Variants in C8A observed in about 807,000 individuals in gnomAD.
C8A encodes the protein complement C8 alpha chain.
In C8A, 67 loss-of-function variants were observed where a neutral mutation model predicts 65.3. That is an observed-to-expected ratio of 1.03 (90% CI 0.84 to 1.26). The LOEUF (loss-of-function observed/expected upper bound fraction) is 1.26. Among genes scored for constraint, C8A ranks in the 50% most tolerant of loss-of-function variants. The pLI, the probability that C8A is intolerant of heterozygous loss-of-function variation, is 0.00. For missense variants in C8A, 781 were observed against 723.9 expected, an observed-to-expected ratio of 1.08 and a Z score of -0.90; for synonymous variants, 290 against 259.4, an observed-to-expected ratio of 1.12 and a Z score of -1.13.
At chr1:56,883,427 A>G in intron 5 of C8A, 54 bp from the exon 6 acceptor site, 1 of 1,451,002 alleles carries the variant, frequency 6.9e-7, no homozygotes, top group South Asian at 1.2e-5. Context: ...TTAAATATGA[A>G]TTGAGAAATG....
intron 5 of C8A, among the ~76,000 whole-genome samples, chr1:56,882,999 A>T (rs1015979077): frequency 6.6e-6 from 1 of 152,194 alleles, no homozygotes; most frequent in African/African-American, 2.4e-5. Flanking sequence ...ACCATGTCTC[A>T]GTTCAAGACA....
chr1:56,889,870 G>T (rs1284835867), intron 7 of C8A, among the ~76,000 whole-genome samples: 1 of 152,064 alleles, frequency 6.6e-6, no homozygotes, highest in Non-Finnish European at 1.5e-5. Flanking sequence ...GGGAAGTCTT[G>T]GATGTTAGGG....
chr1:56,887,897 A>G (rs1644313536), intron 7 of C8A, among the ~76,000 whole-genome samples: 1 of 152,084 alleles, frequency 6.6e-6, no homozygotes, highest in South Asian at 2.1e-4. Flanking sequence ...AAAACCAAAC[A>G]CCACAGGTTC....
intron 2 of C8A, among the ~76,000 whole-genome samples, chr1:56,869,206 T>C (rs1644119855): frequency 1.3e-5 from 2 of 152,164 alleles, no homozygotes; most frequent in Non-Finnish European, 2.9e-5. Flanking sequence ...AAGTCCATTA[T>C]ATTATTCCTA....
At chr1:56,888,423 C>T (rs1644318239) in intron 7 of C8A, among the ~76,000 whole-genome samples, 1 of 152,056 alleles carries the variant, frequency 6.6e-6, no homozygotes. Flanking sequence ...AATATGGTTC[C>T]TACCCTCTTG....
intron 7 of C8A, 104 bp downstream of exon 7, chr1:56,886,271 A>C: frequency 2.2e-6 from 3 of 1,366,594 alleles, no homozygotes; most frequent in Non-Finnish European, 2.1e-6. Context: ...GATCTCATTT[A>C]GTTTTTAGGA....
At chr1:56,891,469 G>A (rs192535711) in intron 7 of C8A, among the ~76,000 whole-genome samples, 13 of 152,210 alleles carry the variant, frequency 8.5e-5, no homozygotes, top group African/African-American at 2.9e-4. Flanking sequence ...TCTAATCAAC[G>A]GGTCAGCAGA....
chr1:56,877,254 T>C (rs187632864), intron 4 of C8A, among the ~76,000 whole-genome samples: 27 of 152,082 alleles, frequency 1.8e-4, no homozygotes, highest in Non-Finnish European at 2.9e-5. Flanking sequence ...ACCTAGTCTA[T>C]GGTATTTTGT....
At chr1:56,862,522 T>C (rs965913111) in intron 1 of C8A, among the ~76,000 whole-genome samples, 21 of 152,296 alleles carry the variant, frequency 1.4e-4, no homozygotes, top group African/African-American at 4.8e-4. Flanking sequence ...TATTTGACCA[T>C]GGAACTTTTC....
chr1:56,906,738 G>A lies in C8A; in HGVS notation c.1168G>A (p.Val390Ile). ...CATTCAATATGAAGACAAAATAAAT[G>A]TTGGTGGAGGTTTATCAGGAGACCA... ...LGIQYEDKIN[V>I]GGGLSGDHCK... Residue 390 changes from valine to isoleucine, a missense_variant, in exon 8 of 11, where the codon GTT becomes ATT. By Grantham distance (29) the Val-to-Ile change is conservative. Coordinates refer to ENST00000361249, the MANE Select transcript of C8A (RefSeq NM_000562.3). The A allele has an allele frequency of 6.2e-7, 1 of 1,614,080 alleles. No individual in the cohort carries two copies. The highest frequency in any genetic ancestry group is 8.5e-7 in the Non-Finnish European group (1 of 1,179,964).
intron 4 of C8A, 130 bp from the exon 5 acceptor site, chr1:56,881,315 T>C: frequency 1.1e-6 from 1 of 896,044 alleles, no homozygotes; most frequent in Non-Finnish European, 1.8e-6. Flanking sequence ...CAGGGGTACA[T>C]GCGCAGGATG....
Position 56,902,661 on chromosome 1 carries a change from AGCCCCT to A in C8A, c.1097-4004_1097-3999del, listed in dbSNP as rs1644435459. Among the ~76,000 whole-genome samples the A allele has an allele frequency of 2.6e-5, 4 of 152,196 alleles. No homozygotes were observed. The East Asian group carries it at 7.7e-4, about 29-fold the overall frequency. ...TAATTCTACCTTTCCTCTTGCCCCC[AGCCCCT>A]GGCAACAACCATGATACCCTTTGAT... On this transcript the variant is annotated intron_variant, in intron 7 of 10. Coordinates refer to ENST00000361249, the MANE Select transcript of C8A (RefSeq NM_000562.3).
chr1:56,884,619 T>C (rs1221831429), intron 6 of C8A, among the ~76,000 whole-genome samples: 1 of 152,168 alleles, frequency 6.6e-6, no homozygotes, highest in Non-Finnish European at 1.5e-5. Context: ...AGCGTGTTAA[T>C]ATGGACTTTT....
At chr1:56,857,890 CT>C (rs1643993613) in intron 1 of C8A, among the ~76,000 whole-genome samples, 1 of 152,066 alleles carries the variant, frequency 6.6e-6, no homozygotes. Context: ...TGCTAGCCTG[CT>C]TGATAAAGTC....
At chr1:56,914,069 C>T (rs1644531653) in intron 10 of C8A, among the ~76,000 whole-genome samples, 2 of 149,970 alleles carry the variant, frequency 1.3e-5, no homozygotes, top group Non-Finnish European at 3.0e-5. Flanking sequence ...AGTGGGAAGG[C>T]TCAAACCTAT....
chr1:56,882,361 C>T (rs193206062), intron 5 of C8A, among the ~76,000 whole-genome samples: 1 of 152,238 alleles, frequency 6.6e-6, no homozygotes, highest in Non-Finnish European at 1.5e-5. Flanking sequence ...CCCATTTAAT[C>T]CTCACAACAC....
chr1:56,870,197 C>T (rs1029689241), intron 2 of C8A, among the ~76,000 whole-genome samples: 1 of 152,052 alleles, frequency 6.6e-6, no homozygotes, highest in African/African-American at 2.4e-5. Flanking sequence ...GTTCTGGAGG[C>T]CAGAAGTCTG....
At chr1:56,857,941 A>C (rs986812498) in intron 1 of C8A, among the ~76,000 whole-genome samples, 1 of 151,874 alleles carries the variant, frequency 6.6e-6, no homozygotes, top group Non-Finnish European at 1.5e-5. Flanking sequence ...TGTTGTTGGC[A>C]GTTTATTTTC....
intron 6 of C8A, among the ~76,000 whole-genome samples, chr1:56,885,085 C>T (rs1466956399): frequency 6.6e-6 from 1 of 151,390 alleles, no homozygotes; most frequent in African/African-American, 2.4e-5. Flanking sequence ...GGGTGAAGCA[C>T]AATGAAGAAA....
Sources: gnomAD v4.1 joint callset for allele counts (sites outside exome capture counted in the v4.1 genomes callset) on GRCh38, gnomAD v4.1.1 for gene constraint, MANE v1.5 for transcripts, NCBI Gene and HGNC (gene_info 2026-07-23, HGNC 2026-07-21) for gene names.